The following C12orf42 variants were observed in gnomAD, a reference collection of about 807,000 sequenced individuals.
The protein encoded by C12orf42 is uncharacterized protein C12orf42.
In C12orf42, 25 loss-of-function variants were observed where a neutral mutation model predicts 21.6. That is an observed-to-expected ratio of 1.16 (90% confidence interval 0.84 to 1.62). The LOEUF is 1.62. Among genes scored for constraint, C12orf42 ranks in the 40% most tolerant of loss-of-function variants. The pLI, the probability that C12orf42 is intolerant of heterozygous loss-of-function variation, is 0.00. For synonymous variants in C12orf42, 174 were observed against 175.0 expected (o/e 0.99, Z 0.05); for missense variants, 483 against 459.3 (o/e 1.05, Z -0.47).
At chr12:103,197,007 T>C in the C12orf42 span, among the ~76,000 whole-genome samples, 20 of 152,234 alleles carry the variant, frequency 1.3e-4, no homozygotes, top group Non-Finnish European at 2.2e-4. Context: ...TGATGTATAG[T>C]GTCATTGGTC....
the C12orf42 span, among the ~76,000 whole-genome samples, chr12:103,175,260 TA>T: frequency 1.3e-5 from 2 of 152,178 alleles, no homozygotes; most frequent in African/African-American, 4.8e-5. Flanking sequence ...ATATAATCTC[TA>T]AAAAGTCCCT....
At chr12:103,416,051 C>T (rs1436077643) in intron 2 of C12orf42, among the ~76,000 whole-genome samples, 8 of 146,050 alleles carry the variant, frequency 5.5e-5, no homozygotes, top group Non-Finnish European at 1.1e-4. Context: ...TTTTTATTGG[C>T]CTTTCTGCAA....
chr12:103,137,274 C>T, the C12orf42 span, among the ~76,000 whole-genome samples: 1 of 151,750 alleles, frequency 6.6e-6, no homozygotes, highest in Non-Finnish European at 1.5e-5. Context: ...TGAAAATATG[C>T]TCAATATCAG....
chr12:103,119,965 C>T, the C12orf42 span, among the ~76,000 whole-genome samples: 1 of 152,172 alleles, frequency 6.6e-6, no homozygotes, highest in African/African-American at 2.4e-5. Context: ...AGGAAATCTG[C>T]CATCTCACTG....
chr12:103,392,822 C>A (rs1424010951), intron 3 of C12orf42, among the ~76,000 whole-genome samples: 1 of 152,152 alleles, frequency 6.6e-6, no homozygotes, highest in Non-Finnish European at 1.5e-5. Context: ...ACGGGAAATT[C>A]TCTTTCTCAT....
chr12:103,215,067 T>C, the C12orf42 span, among the ~76,000 whole-genome samples: 5 of 152,280 alleles, frequency 3.3e-5, no homozygotes, highest in South Asian at 1.0e-3. Context: ...TGATTCTTAA[T>C]ACATATTTAT....
chr12:103,294,583 G>GGAAAGAAGAAA (rs2037093680), intron 4 of C12orf42, among the ~76,000 whole-genome samples: 1 of 80,280 alleles, frequency 1.2e-5, no homozygotes, highest in African/African-American at 5.4e-5. Context: ...AAGGAAGGAA[G>GGAAAGAAGAAA]GAAAGAAAGA....
intron 4 of C12orf42, among the ~76,000 whole-genome samples, chr12:103,317,626 C>T (rs1355296976): frequency 6.6e-6 from 1 of 152,042 alleles, no homozygotes; most frequent in African/African-American, 2.4e-5. Flanking sequence ...ATTGGTTTCC[C>T]CATCTATAGA....
chr12:103,216,128 A>G, the C12orf42 span, among the ~76,000 whole-genome samples: 2 of 152,152 alleles, frequency 1.3e-5, no homozygotes, highest in Non-Finnish European at 2.9e-5. Flanking sequence ...CCAAGAAACT[A>G]AGATAAATTT....
At chr12:103,151,849 C>T in the C12orf42 span, 1 of 152,160 alleles carries the variant, frequency 6.6e-6, no homozygotes, top group Non-Finnish European at 1.5e-5. Flanking sequence ...TGGGCAAAAG[C>T]TCACACTCAG....
chr12:103,392,492 C>T (rs1248880914), intron 3 of C12orf42, among the ~76,000 whole-genome samples: 1 of 152,158 alleles, frequency 6.6e-6, no homozygotes, highest in Non-Finnish European at 1.5e-5. Context: ...TTTAGGTCAT[C>T]TTTAATGTCT....
intron 2 of C12orf42, among the ~76,000 whole-genome samples, chr12:103,429,526 T>A (rs1235395217): frequency 6.6e-6 from 1 of 152,196 alleles, no homozygotes; most frequent in Admixed American, 6.5e-5. Flanking sequence ...ATCAATATCA[T>A]GAAAATGGCC....
chr12:103,240,123 T>TA (rs1162985000), intron 10 of C12orf42, among the ~76,000 whole-genome samples: 1 of 152,200 alleles, frequency 6.6e-6, no homozygotes, highest in African/African-American at 2.4e-5. Flanking sequence ...TATCATATAA[T>TA]AAACGTCAAC....
chr12:103,421,279 G>C (rs2049878136), intron 2 of C12orf42, among the ~76,000 whole-genome samples: 1 of 152,088 alleles, frequency 6.6e-6, no homozygotes, highest in South Asian at 2.1e-4. Context: ...ATAAATGTAA[G>C]AATATTTTAG....
intron 2 of C12orf42, among the ~76,000 whole-genome samples, chr12:103,468,738 C>G (rs913400720): frequency 6.6e-6 from 1 of 151,526 alleles, no homozygotes; most frequent in Non-Finnish European, 1.5e-5. Context: ...AAAAAAAAAA[C>G]GGGTCGATGA....
In C12orf42 at chr12:103,346,118, GAA is replaced by G. The variant is rs146167925; in HGVS notation, c.259+22767_259+22768del. On this transcript the variant is annotated intron_variant, in intron 4 of 5. Coordinates refer to ENST00000548883, the MANE Select transcript of C12orf42 (RefSeq NM_198521.5). ...ATGTTAAATAACAAGAAAATTCATA[GAA>G]AAGAGATTCTTTTTCTTTCTACAAC... Among the ~76,000 whole-genome samples, 503 of 152,192 alleles carry G rather than the reference GAA, an allele frequency of 3.3e-3. 3 individuals carry two copies. The highest frequency in any genetic ancestry group is 0.011 in the African/African-American group (477 of 41,550).
the C12orf42 span, among the ~76,000 whole-genome samples, chr12:103,104,602 A>G: frequency 3.3e-4 from 51 of 152,272 alleles, no homozygotes; most frequent in Non-Finnish European, 5.1e-4. Flanking sequence ...CACCATGCCC[A>G]GCTAATTTTT....
At chr12:103,114,867 G>A in the C12orf42 span, among the ~76,000 whole-genome samples, 1 of 152,134 alleles carries the variant, frequency 6.6e-6, no homozygotes, top group Non-Finnish European at 1.5e-5. Flanking sequence ...ATCAGATAGA[G>A]GATTCATGGA....
At chr12:103,128,937 C>T in the C12orf42 span, among the ~76,000 whole-genome samples, 22 of 152,248 alleles carry the variant, frequency 1.4e-4, no homozygotes, top group Non-Finnish European at 2.1e-4. Flanking sequence ...GAAGATCATC[C>T]TGGCTGCCTG....
Sources: allele counts gnomAD v4.1 joint callset (sites outside exome capture counted in the v4.1 genomes callset), GRCh38; gene constraint gnomAD v4.1.1; transcripts MANE v1.5; gene names NCBI Gene and HGNC (gene_info 2026-07-23, HGNC 2026-07-21).